PPP1R9A: variants seen among roughly 807,000 people sequenced by gnomAD.
PPP1R9A encodes the protein neurabin-1.
In PPP1R9A, 59 loss-of-function variants were observed where a neutral mutation model predicts 141.9. The observed-to-expected ratio is 0.42, with a 90% CI of 0.34 to 0.52. PPP1R9A has a LOEUF of 0.52. PPP1R9A is among the 20% of genes least tolerant of loss of function. The pLI is 0.10. For synonymous variants in PPP1R9A, 500 were observed against 569.7 expected (o/e 0.88, Z 1.74); for missense variants, 1,444 against 1,611.9 (o/e 0.90, Z 1.78).
At chr7:95,168,660 T>C (rs542967199) in intron 5 of PPP1R9A, among the ~76,000 whole-genome samples, 1 of 152,004 alleles carries the variant, frequency 6.6e-6, no homozygotes, top group South Asian at 2.1e-4. Flanking sequence ...TTCTAATATC[T>C]AGAATATTAA....
chr7:95,011,819 A>G (rs371642155), intron 2 of PPP1R9A, among the ~76,000 whole-genome samples: 3 of 152,334 alleles, frequency 2.0e-5, no homozygotes, highest in East Asian at 1.9e-4. Context: ...GTTGAAAGGA[A>G]TAGCTAATAT....
intron 16 of PPP1R9A, among the ~76,000 whole-genome samples, chr7:95,276,110 GC>G (rs1803143236): frequency 1.3e-5 from 2 of 152,268 alleles, no homozygotes; most frequent in South Asian, 4.2e-4. Flanking sequence ...AGAAAGAGAT[GC>G]ATAAATACAT....
At chr7:95,049,251 A>T (rs1173908065) in intron 2 of PPP1R9A, among the ~76,000 whole-genome samples, 2 of 152,206 alleles carry the variant, frequency 1.3e-5, no homozygotes, top group African/African-American at 4.8e-5. Context: ...GATTAAGATC[A>T]GAAGGAATTG....
chr7:95,288,634 A>G lies in PPP1R9A; in HGVS notation c.3828A>G (p.Leu1276=). Residue 1276 remains leucine (L), a synonymous_variant, in exon 19 of 20, where the codon CTA becomes CTG. Transcript: ENST00000433360. ...VQQVSHWLMS[L]NLEQYVSEFS... ...AGGTTTCTCACTGGTTAATGAGCCTAAATCTGGAGCAGTATGTATCTGAAT... is the reference window on the plus strand; with the variant it reads ...AGGTTTCTCACTGGTTAATGAGCCTGAATCTGGAGCAGTATGTATCTGAAT... The G allele has an allele frequency of 6.2e-7, 1 of 1,614,158 alleles. No individual in the cohort carries two copies. Among genetic ancestry groups the G allele is most frequent in the Non-Finnish European group, 8.5e-7 (1 of 1,180,028 alleles).
At chr7:95,157,561 A>G (rs1829831831) in intron 4 of PPP1R9A, among the ~76,000 whole-genome samples, 1 of 152,152 alleles carries the variant, frequency 6.6e-6, no homozygotes, top group African/African-American at 2.4e-5. Context: ...TGGAGCATGT[A>G]TCCTCGGCAG....
At chr7:94,966,358 A>C (rs1055201378) in intron 2 of PPP1R9A, among the ~76,000 whole-genome samples, 1 of 152,136 alleles carries the variant, frequency 6.6e-6, no homozygotes, top group Non-Finnish European at 1.5e-5. Flanking sequence ...ACTGTGTTGA[A>C]TAGGAGTGGT....
At chr7:95,073,329 T>C (rs1174695141) in intron 2 of PPP1R9A, among the ~76,000 whole-genome samples, 10 of 152,048 alleles carry the variant, frequency 6.6e-5, no homozygotes, top group Admixed American at 3.9e-4. Context: ...TATATTGTTT[T>C]AATTATAGCT....
Position 95,094,879 on chromosome 7 carries a change from CAAAA to C in PPP1R9A, c.1396-16357_1396-16354del, listed in dbSNP as rs1166550834. Among the ~76,000 whole-genome samples, 319 of 44,950 alleles carry C rather than the reference CAAAA, an allele frequency of 7.1e-3. 1 individual carries two copies. Among genetic ancestry groups the C allele is most frequent in the African/African-American group, 0.019 (259 of 13,906 alleles). The allele number at this position is 44,950 out of a possible 152,430, so 29.5% of individuals were successfully genotyped here. A position where few individuals can be genotyped will look rare whatever the true frequency, so the allele number is the denominator to read the frequency against. ...TGGGCGACAGAGGGAGACTGCGTCT[CAAAA>C]AAAAAAAAAAAAAAAAAAAAAAGGA... On this transcript the variant is annotated intron_variant, in intron 2 of 19. Coordinates refer to ENST00000433360, the MANE Select transcript of PPP1R9A (RefSeq NM_001166160.2).
intron 2 of PPP1R9A, among the ~76,000 whole-genome samples, chr7:94,935,673 C>T (rs1794692843): frequency 6.6e-6 from 1 of 152,128 alleles, no homozygotes; most frequent in Non-Finnish European, 1.5e-5. Flanking sequence ...GCCTTTCCCA[C>T]CTCAATGATT....
At chr7:95,023,651 T>C (rs1405826308) in intron 2 of PPP1R9A, among the ~76,000 whole-genome samples, 2 of 152,146 alleles carry the variant, frequency 1.3e-5, no homozygotes, top group Non-Finnish European at 2.9e-5. Flanking sequence ...CCTCCTGGTT[T>C]CACGCCATTC....
chr7:95,067,986 CACTG>C (rs1376761258), intron 2 of PPP1R9A, among the ~76,000 whole-genome samples: 1 of 136,474 alleles, frequency 7.3e-6, no homozygotes, highest in Non-Finnish European at 1.5e-5. Flanking sequence ...TATCTCCCTT[CACTG>C]ACTCTCTTTT....
At chr7:95,051,178 ATTCTT>A (rs960148505) in intron 2 of PPP1R9A, among the ~76,000 whole-genome samples, 2 of 150,056 alleles carry the variant, frequency 1.3e-5, no homozygotes, top group Non-Finnish European at 3.0e-5. Flanking sequence ...TTTTTTATTG[ATTCTT>A]TTTTTTTTCT....
intron 10 of PPP1R9A, among the ~76,000 whole-genome samples, chr7:95,250,583 A>G (rs1303186732): frequency 6.6e-6 from 1 of 152,228 alleles, no homozygotes; most frequent in Non-Finnish European, 1.5e-5. Context: ...CAAGAAGCCC[A>G]GCGGAAAGTC....
chr7:95,155,722 A>G (rs1178902246), intron 4 of PPP1R9A: 3 of 152,248 alleles, frequency 2.0e-5, no homozygotes. Flanking sequence ...CTAATTAAGT[A>G]GAGGACTAGT....
intron 7 of PPP1R9A, among the ~76,000 whole-genome samples, chr7:95,211,173 A>G (rs1792048404): frequency 6.6e-6 from 1 of 152,076 alleles, no homozygotes; most frequent in Non-Finnish European, 1.5e-5. Flanking sequence ...AAATAATAAT[A>G]AAAAGAAATT....
chr7:95,002,335 G>A (rs1377295850), intron 2 of PPP1R9A, among the ~76,000 whole-genome samples: 1 of 152,144 alleles, frequency 6.6e-6, no homozygotes, highest in Admixed American at 6.6e-5. Flanking sequence ...CTTGGGAGGA[G>A]GAGTCAGGAT....
intron 2 of PPP1R9A, among the ~76,000 whole-genome samples, chr7:94,934,570 AC>A (rs1794536745): frequency 6.6e-6 from 1 of 151,996 alleles, no homozygotes; most frequent in Non-Finnish European, 1.5e-5. Context: ...ATATGTCAAA[AC>A]AAATATAGTC....
At chr7:94,969,528 A>T (rs1798623043) in intron 2 of PPP1R9A, among the ~76,000 whole-genome samples, 1 of 152,078 alleles carries the variant, frequency 6.6e-6, no homozygotes, top group Non-Finnish European at 1.5e-5. Flanking sequence ...GCTTTGTCTC[A>T]GTGGGGCACC....
chr7:95,197,073 A>G (rs535450937), intron 5 of PPP1R9A, among the ~76,000 whole-genome samples: 1 of 152,306 alleles, frequency 6.6e-6, no homozygotes, highest in East Asian at 1.9e-4. Context: ...AATTACTAAC[A>G]TCCAAGTGTG....
Sources: gnomAD v4.1 joint callset for allele counts (sites outside exome capture counted in the v4.1 genomes callset) on GRCh38, gnomAD v4.1.1 for gene constraint, MANE v1.5 for transcripts, NCBI Gene and HGNC (gene_info 2026-07-23, HGNC 2026-07-21) for gene names.